The following DISC1 variants were observed in gnomAD, a reference collection of about 807,000 sequenced individuals.
DISC1 encodes DISC1 scaffold protein, also known as disrupted in schizophrenia 1 protein.
DISC1 carries 57 observed loss-of-function variants against 84.5 expected under a neutral mutation model. That is an observed-to-expected ratio of 0.67 (90% confidence interval 0.55 to 0.84). DISC1 has a LOEUF of 0.84. Among genes scored for constraint, DISC1 ranks in the 40% least tolerant of loss-of-function variants. The pLI is 0.00. For synonymous variants in DISC1, 411 were observed against 415.2 expected (o/e 0.99, Z 0.12); for missense variants, 1,000 against 1,057.8 (o/e 0.95, Z 0.76).
rs1397818436 is a variant in DISC1, at chr1:232,031,319, A to C, written c.2425+4767A>C. On this transcript the variant is annotated intron_variant, in intron 12 of 12. Transcript: ENST00000439617. This position sits in a 1 kb window ranked among gnomAD's most constrained non-coding sequence, Gnocchi z 4.6. ...AGGAAGGAAGGAGAGAGGGAAGGAGAGAAAAGGAAAGGAAAAGGAAAAGAG... is the reference window on the plus strand; with the variant it reads ...AGGAAGGAAGGAGAGAGGGAAGGAGCGAAAAGGAAAGGAAAAGGAAAAGAG... Among the ~76,000 whole-genome samples the C allele has an allele frequency of 1.4e-5, 2 of 139,782 alleles. No individual in the cohort carries two copies. The highest frequency in any genetic ancestry group is 3.2e-5 in the Non-Finnish European group (2 of 62,946). The allele number at this position is 139,782 out of a possible 152,430, so 91.7% of individuals were successfully genotyped here.
At chr1:231,673,884 G>T (rs1253534702) in intron 1 of DISC1, among the ~76,000 whole-genome samples, 1 of 152,204 alleles carries the variant, frequency 6.6e-6, no homozygotes, top group Admixed American at 6.5e-5. Context: ...ACTGTGAAAA[G>T]AGGAGGTATA....
At chr1:231,927,133 C>T (rs942596770) in intron 9 of DISC1, among the ~76,000 whole-genome samples, 1 of 152,164 alleles carries the variant, frequency 6.6e-6, no homozygotes, top group Non-Finnish European at 1.5e-5. Flanking sequence ...ACTAGAAAGG[C>T]GAATCCCTTT....
chr1:232,036,711 C>G lies in DISC1; in HGVS notation c.2445C>G (p.Leu815=). 1 of 1,602,456 alleles carries G rather than the reference C, an allele frequency of 6.2e-7. No homozygotes were observed. ...EDLIQSLRRE[L]QMVKETLQAM... ...GCCCACAGTCTCTCAGGAGGGAGCT[C>G]CAGATGGTGAAGGAAACTCTGCAGG... Residue 815 remains leucine (L), a synonymous_variant, in exon 13 of 13, where the codon CTC becomes CTG. Transcript: ENST00000439617.
At chr1:231,919,325 T>C (rs1261456967) in intron 9 of DISC1, among the ~76,000 whole-genome samples, 1 of 152,258 alleles carries the variant, frequency 6.6e-6, no homozygotes, top group African/African-American at 2.4e-5. Context: ...TGTTATCAGC[T>C]GTAATAGTCA....
At chr1:231,738,756 T>C (rs1303853385) in intron 3 of DISC1, among the ~76,000 whole-genome samples, 1 of 152,234 alleles carries the variant, frequency 6.6e-6, no homozygotes, top group Non-Finnish European at 1.5e-5. Flanking sequence ...TTCATTTCCA[T>C]TAGTCAGCAT....
chr1:231,933,035 A>T (rs1011928603), intron 9 of DISC1, among the ~76,000 whole-genome samples: 9 of 152,224 alleles, frequency 5.9e-5, no homozygotes, highest in African/African-American at 1.9e-4. Context: ...CACCATAGTG[A>T]TGGTGTTGAG....
At chr1:231,866,722 C>T (rs2085089601) in intron 9 of DISC1, 1 of 1,346,436 alleles carries the variant, frequency 7.4e-7, no homozygotes, top group Non-Finnish European at 9.6e-7. Flanking sequence ...AGCATGTCTT[C>T]GACTTTCTAG....
At chr1:231,705,331 A>T (rs1044086960) in intron 3 of DISC1, among the ~76,000 whole-genome samples, 4 of 150,326 alleles carry the variant, frequency 2.7e-5, no homozygotes, top group African/African-American at 7.4e-5. Context: ...TAAAAAAAAA[A>T]AAATAAAGGC....
In DISC1 at chr1:231,767,199, C is replaced by G. The variant is rs1028051371; in HGVS notation, c.1328C>G (p.Thr443Ser). The G allele has an allele frequency of 4.3e-6, 7 of 1,614,136 alleles. No individual in the cohort carries two copies. The highest frequency in any genetic ancestry group is 5.9e-6 in the Non-Finnish European group (7 of 1,180,054). Reference sequence around the variant, plus strand: ...ATGGAGCCGAGGCTGTTGGAACCCACTGCTCAGGACAGCTTGCACGTGTCC... The same window carrying G: ...ATGGAGCCGAGGCTGTTGGAACCCAGTGCTCAGGACAGCTTGCACGTGTCC... ...LRMEPRLLEP[T>S]AQDSLHVSIT... The change falls in exon 5 of 13, where the codon ACT becomes AGT. Residue 443 changes from threonine to serine, a missense_variant. By Grantham distance (58) the Thr-to-Ser change is moderately conservative. This residue lies in a region of DISC1 where 311 missense variants were observed against 400.1 expected (regional missense o/e 0.78). Coordinates refer to ENST00000439617, the MANE Select transcript of DISC1 (RefSeq NM_018662.3).
chr1:231,642,263 C>A (rs901258148), intron 1 of DISC1, among the ~76,000 whole-genome samples: 1 of 152,216 alleles, frequency 6.6e-6, no homozygotes, highest in Non-Finnish European at 1.5e-5. Flanking sequence ...CCGCGCGCAG[C>A]CCCCGGTTCC....
chr1:231,663,564 T>G (rs2061737165), intron 1 of DISC1, among the ~76,000 whole-genome samples: 1 of 152,198 alleles, frequency 6.6e-6, no homozygotes, highest in South Asian at 2.1e-4. Flanking sequence ...TCACTTTGGT[T>G]GTATCACTTT....
At chr1:231,759,572 G>T (rs2075466016) in intron 4 of DISC1, among the ~76,000 whole-genome samples, 1 of 150,340 alleles carries the variant, frequency 6.7e-6, no homozygotes, top group East Asian at 2.0e-4. Flanking sequence ...CAAATGCGGT[G>T]GTGCGTACCT....
At chr1:231,868,186 C>T (rs1255807290) in intron 9 of DISC1, among the ~76,000 whole-genome samples, 2 of 152,156 alleles carry the variant, frequency 1.3e-5, no homozygotes, top group African/African-American at 4.8e-5. Flanking sequence ...CTCGGTAGCA[C>T]CTGCCCCAAA....
intron 6 of DISC1, among the ~76,000 whole-genome samples, chr1:231,773,585 C>A (rs901018320): frequency 7.9e-5 from 12 of 152,082 alleles, no homozygotes; most frequent in Non-Finnish European, 1.2e-4. Flanking sequence ...AGGGTTTCAC[C>A]ATGTTAGCCA....
chr1:231,907,021 T>C (rs2088727687), intron 9 of DISC1, among the ~76,000 whole-genome samples: 2 of 150,458 alleles, frequency 1.3e-5, no homozygotes, highest in Non-Finnish European at 3.0e-5. Context: ...TTTCTTTTTC[T>C]TCTCTCTCTC....
chr1:231,749,861 C>T (rs751998532), intron 3 of DISC1, 65 bp from the exon 4 acceptor site: 93 of 1,604,780 alleles, frequency 5.8e-5, no homozygotes, highest in Non-Finnish European at 7.2e-5. Flanking sequence ...CTAAGAGACA[C>T]CGGGGTTATC....
rs1046635287 is a variant in DISC1 at position 232,039,988 on chromosome 1, A to G, written c.*3157A>G. ...AGTCCCAGTTCCATCCAACTTTCTG[A>G]AATTTCATTTTTTTTTTTGAGATGG... On this transcript the variant is annotated 3_prime_UTR_variant, in exon 13 of 13. Transcript: ENST00000439617. The G allele has an allele frequency of 9.9e-5, 15 of 151,852 alleles. No individual in the cohort carries two copies. The highest frequency in any genetic ancestry group is 7.9e-4 in the Admixed American group (12 of 15,244). 9.4% of individuals were successfully genotyped at this position (151,852 alleles called of 1,614,324 possible).
chr1:231,995,557 T>C (rs554137974), intron 10 of DISC1, among the ~76,000 whole-genome samples: 1 of 152,110 alleles, frequency 6.6e-6, no homozygotes, highest in Non-Finnish European at 1.5e-5. Flanking sequence ...GTTCTCATTG[T>C]TCAATTCCCA....
intron 1 of DISC1, among the ~76,000 whole-genome samples, chr1:231,673,020 A>G (rs1281625526): frequency 6.6e-6 from 1 of 152,136 alleles, no homozygotes; most frequent in Non-Finnish European, 1.5e-5. Context: ...CATGAAGCTG[A>G]GTTGATGAGT....
Sources: allele counts gnomAD v4.1 joint callset (sites outside exome capture counted in the v4.1 genomes callset), GRCh38; gene constraint gnomAD v4.1.1; regional missense constraint gnomAD v4.1.1; non-coding constraint Gnocchi (gnomAD v3.1); transcripts MANE v1.5; gene names NCBI Gene and HGNC (gene_info 2026-07-23, HGNC 2026-07-21).